FYB2: variants seen among roughly 807,000 people sequenced by gnomAD.
FYB2 encodes FYN-binding protein 2.
A neutral mutation model predicts 94.1 loss-of-function variants in FYB2; 103 were observed. The ratio of observed to expected loss-of-function variants is 1.09; its 90% confidence interval spans 0.93 to 1.29. The LOEUF (loss-of-function observed/expected upper bound fraction) is 1.29, where lower values mean the gene tolerates loss of function less well. Ranked by LOEUF, FYB2 falls within the 50% of genes most tolerant of loss-of-function variation. FYB2 has a pLI of 0.00. For missense variants in FYB2, 896 were observed against 841.5 expected (o/e 1.06, Z -0.80); for synonymous variants, 293 against 287.9 (o/e 1.02, Z -0.18).
In FYB2 at chr1:56,758,768, A is replaced by T. The variant is rs758816591; in HGVS notation, c.1064-18T>A. The T allele has an allele frequency of 4.4e-6, 7 of 1,583,374 alleles. No homozygotes were observed. The South Asian group carries it at 4.6e-5, about 10-fold the overall frequency. ...ATAAGTTGCTAAAGTAAACATAAAA[A>T]AATTATTTCAAGGCAGCTGATCCAC... is the stretch of plus-strand genomic sequence containing the variant. On this transcript the variant is annotated intron_variant, in intron 5 of 19. Coordinates refer to ENST00000343433, the MANE Select transcript of FYB2 (RefSeq NM_001004303.5).
intron 1 of FYB2, among the ~76,000 whole-genome samples, chr1:56,794,124 T>G (rs992436252): frequency 6.6e-6 from 1 of 152,190 alleles, no homozygotes; most frequent in Non-Finnish European, 1.5e-5. Context: ...CCTTGGAAAA[T>G]GATCATGCTC....
chr1:56,789,303 T>C (rs1050942676), intron 2 of FYB2, among the ~76,000 whole-genome samples, 169 bp from the exon 3 acceptor site: 2 of 152,174 alleles, frequency 1.3e-5, no homozygotes, highest in East Asian at 3.8e-4. Flanking sequence ...TGCTGCTGCT[T>C]TAAGGATTTC....
At chr1:56,795,002 A>G (rs1381368405) in intron 1 of FYB2, among the ~76,000 whole-genome samples, 1 of 151,788 alleles carries the variant, frequency 6.6e-6, no homozygotes, top group East Asian at 1.9e-4. Context: ...AACACTGCCT[A>G]CATAACACTG....
upstream of FYB2, among the ~76,000 whole-genome samples, chr1:56,820,170 G>A (rs912727426): frequency 6.6e-6 from 1 of 151,170 alleles, no homozygotes; most frequent in Non-Finnish European, 1.5e-5. Context: ...GGCAGACGTT[G>A]CAGTGAGCCG....
intron 13 of FYB2, among the ~76,000 whole-genome samples, chr1:56,739,884 T>C (rs1260329634): frequency 1.3e-5 from 2 of 152,110 alleles, no homozygotes; most frequent in African/African-American, 4.8e-5. Context: ...AAATGGACTT[T>C]TAACTTAACA....
chr1:56,820,659 T>G (rs1356587065), upstream of FYB2, among the ~76,000 whole-genome samples: 5 of 152,194 alleles, frequency 3.3e-5, no homozygotes, highest in Non-Finnish European at 7.3e-5. Flanking sequence ...TGCCTGGGAA[T>G]CTATCAAAAA....
intron 2 of FYB2, among the ~76,000 whole-genome samples, chr1:56,789,586 C>G (rs1646214936): frequency 6.6e-6 from 1 of 152,194 alleles, no homozygotes; most frequent in African/African-American, 2.4e-5. Flanking sequence ...TCTTTTAAGG[C>G]TCTGCTCCAA....
At chr1:56,766,629 G>C (rs531278998) in intron 5 of FYB2, among the ~76,000 whole-genome samples, 2 of 152,134 alleles carry the variant, frequency 1.3e-5, no homozygotes, top group South Asian at 4.2e-4. Flanking sequence ...AGTAGAGACG[G>C]GGTTTCACCG....
intron 1 of FYB2, among the ~76,000 whole-genome samples, chr1:56,805,282 G>A (rs184463842): frequency 2.0e-5 from 3 of 152,306 alleles, no homozygotes; most frequent in Non-Finnish European, 2.9e-5. Flanking sequence ...GTAGATGGAC[G>A]ATACGTGTCC....
At chr1:56,793,460 G>A (rs61765527) in intron 1 of FYB2, among the ~76,000 whole-genome samples, 29,627 of 151,946 alleles carry the variant, frequency 0.19, 3,663 homozygotes, top group Non-Finnish European at 0.27. Flanking sequence ...ATTAAAAAAT[G>A]GACAAAGGAC....
intron 1 of FYB2, among the ~76,000 whole-genome samples, chr1:56,802,021 A>G (rs1442483217): frequency 6.6e-6 from 1 of 152,176 alleles, no homozygotes; most frequent in Non-Finnish European, 1.5e-5. Flanking sequence ...CTTGGAGTCC[A>G]AGTGAAGGAG....
intron 17 of FYB2, 85 bp from the exon 18 acceptor site, chr1:56,720,414 C>T: frequency 8.0e-7 from 1 of 1,249,332 alleles, no homozygotes; most frequent in South Asian, 1.8e-5. Flanking sequence ...AATATAGTAA[C>T]TTCAAAATTA....
intron 1 of FYB2, among the ~76,000 whole-genome samples, chr1:56,801,578 C>T (rs942853759): frequency 6.6e-6 from 1 of 152,132 alleles, no homozygotes; most frequent in African/African-American, 2.4e-5. Context: ...ACACCTTAGA[C>T]CCTGCTATGA....
chr1:56,805,665 G>A (rs1646628652), intron 1 of FYB2, among the ~76,000 whole-genome samples: 1 of 152,206 alleles, frequency 6.6e-6, no homozygotes, highest in South Asian at 2.1e-4. Flanking sequence ...ATTCCCACAT[G>A]TTGTGGGAGG....
At chr1:56,756,459 T>C (rs984832620) in intron 6 of FYB2, among the ~76,000 whole-genome samples, 1 of 152,108 alleles carries the variant, frequency 6.6e-6, no homozygotes, top group Non-Finnish European at 1.5e-5. Flanking sequence ...TCTGGTGACA[T>C]TCATTATTTG....
chr1:56,820,424 C>G (rs1334939198), upstream of FYB2, among the ~76,000 whole-genome samples: 2 of 152,184 alleles, frequency 1.3e-5, no homozygotes, highest in African/African-American at 4.8e-5. Flanking sequence ...ACCTCAGTTG[C>G]CAGTTTTGGG....
Position 56,792,313 on chromosome 1 carries a change from A to G in FYB2, c.500T>C (p.Ile167Thr), listed in dbSNP as rs763281258. Residue 167 changes from isoleucine (I) to threonine (T), a missense_variant, in exon 2 of 20, where the codon ATC becomes ACC. Coordinates refer to ENST00000343433, the MANE Select transcript of FYB2 (RefSeq NM_001004303.5). Reference sequence around the variant, plus strand: ...CATGCCTTTTTGCCCTTCCAGATGGATGGCCTTACTTCCATAGTTGGCAAG... The same window carrying G: ...CATGCCTTTTTGCCCTTCCAGATGGGTGGCCTTACTTCCATAGTTGGCAAG... ...LLLANYGSKAIHLEGQKGMGL... is the reference protein window; with the variant it reads ...LLLANYGSKATHLEGQKGMGL... 10 of 1,613,880 alleles carry G rather than the reference A, an allele frequency of 6.2e-6. No homozygotes were observed. The Admixed American group carries it at 8.3e-5, about 13-fold the overall frequency.
At chr1:56,794,870 C>T (rs1292915349) in intron 1 of FYB2, among the ~76,000 whole-genome samples, 1 of 152,100 alleles carries the variant, frequency 6.6e-6, no homozygotes, top group African/African-American at 2.4e-5. Context: ...TTATTTTCCT[C>T]ACTATGAAAT....
At chr1:56,768,156 G>T (rs1645671032) in intron 4 of FYB2, among the ~76,000 whole-genome samples, 1 of 152,134 alleles carries the variant, frequency 6.6e-6, no homozygotes, top group Non-Finnish European at 1.5e-5. Context: ...AGTCCACACA[G>T]AAATCAATAA....
Sources: allele counts gnomAD v4.1 joint callset (sites outside exome capture counted in the v4.1 genomes callset), GRCh38; gene constraint gnomAD v4.1.1; transcripts MANE v1.5; gene names NCBI Gene and HGNC (gene_info 2026-07-23, HGNC 2026-07-21).